Variants in GOLGA3 observed in about 807,000 individuals in gnomAD.
GOLGA3 encodes golgin A3.
A neutral mutation model predicts 169.4 loss-of-function variants in GOLGA3; 75 were observed. The observed-to-expected ratio is 0.44, with a 90% CI of 0.37 to 0.54. The LOEUF (loss-of-function observed/expected upper bound fraction) is 0.54. Among genes scored for constraint, GOLGA3 ranks in the 20% least tolerant of loss-of-function variants. The probability of loss-of-function intolerance (pLI) is 0.00; values close to 1 mark genes in which losing one functional copy is unlikely to be tolerated. For synonymous variants in GOLGA3, 824 were observed against 822.4 expected (o/e 1.00, Z -0.03); for missense variants, 1,899 against 1,930.0 (o/e 0.98, Z 0.30).
chr12:132,775,704 A>G (rs1050841793), intron 21 of GOLGA3, among the ~76,000 whole-genome samples: 6 of 152,156 alleles, frequency 3.9e-5, no homozygotes, highest in African/African-American at 7.2e-5. Flanking sequence ...GTGAGCCACC[A>G]GGCCTGGCCA....
Position 132,801,791 on chromosome 12 carries a change from C to A in GOLGA3, c.1776G>T (p.Leu592=). ...CCTGGATGTGGGCCATCTCACCCTG[C>A]AGCCTGACGCGGGCCTCCTGTGCCA... The part of the protein sequence containing the change: ...LALAQEARVR[L]QGEMAHIQVG... The change falls in exon 8 of 24, where the codon CTG becomes CTT. Residue 592 remains leucine (L), a synonymous_variant. Transcript: ENST00000450791. 2 of 1,611,960 alleles carry A rather than the reference C, an allele frequency of 1.2e-6. No individual in the cohort carries two copies. Among genetic ancestry groups the A allele is most frequent in the Non-Finnish European group, 1.7e-6 (2 of 1,180,010 alleles).
In GOLGA3 at chr12:132,770,226, C is replaced by CT. The variant is rs1177848660; in HGVS notation, c.*2878dup. On this transcript the variant is annotated 3_prime_UTR_variant, in exon 24 of 24. Transcript: ENST00000450791. ...CCAGCCTGGGCGACAGAGCGAGACT[C>CT]TGTCTCAAAAAAAAAAAAAAAAAAT... 1 of 89,202 alleles carries CT rather than the reference C, an allele frequency of 1.1e-5. No homozygotes were observed. Among genetic ancestry groups the CT allele is most frequent in the African/African-American group, 5.9e-5 (1 of 17,042 alleles). The allele number at this position is 89,202 out of a possible 1,614,324, so 5.5% of individuals were successfully genotyped here. A position where few individuals can be genotyped will look rare whatever the true frequency, so the allele number is the denominator to read the frequency against.
intron 17 of GOLGA3, among the ~76,000 whole-genome samples, chr12:132,782,003 G>A (rs1173580454): frequency 6.6e-6 from 1 of 152,132 alleles, no homozygotes; most frequent in Non-Finnish European, 1.5e-5. Context: ...GCACACGCAG[G>A]GGCTCCAGCC....
At chr12:132,826,709 A>T (rs1353688726) in intron 1 of GOLGA3, among the ~76,000 whole-genome samples, 1 of 152,062 alleles carries the variant, frequency 6.6e-6, no homozygotes, top group Non-Finnish European at 1.5e-5. Context: ...GGTGACAGTG[A>T]TACTTCTCCC....
At position 132,777,299 on chromosome 12, in the gene GOLGA3, C is replaced by T. The variant is rs776323754; in HGVS notation, c.3723-209G>A. On this transcript the variant is annotated intron_variant, in intron 19 of 23. Coordinates refer to ENST00000450791, the MANE Select transcript of GOLGA3 (RefSeq NM_001389683.1). This position sits in a 1 kb window ranked among gnomAD's most constrained non-coding sequence, Gnocchi z 4.7. ...ACTCACACTTCACTGGCACCCCTCA[C>T]AGATCCCAGAGACTCACTTTGCCGG... is the stretch of plus-strand genomic sequence containing the variant. Among the ~76,000 whole-genome samples the T allele has an allele frequency of 6.6e-6, 1 of 152,142 alleles. No homozygotes were observed. Among genetic ancestry groups the T allele is most frequent in the Non-Finnish European group, 1.5e-5 (1 of 68,014 alleles).
chr12:132,794,341 A>AG (rs1029761216), intron 11 of GOLGA3, among the ~76,000 whole-genome samples: 1 of 151,778 alleles, frequency 6.6e-6, no homozygotes, highest in African/African-American at 2.4e-5. Flanking sequence ...TTTAAAAAAA[A>AG]AAAAAAAAAA....
At chr12:132,798,884 G>A (rs138319485) in intron 8 of GOLGA3, among the ~76,000 whole-genome samples, 5 of 152,340 alleles carry the variant, frequency 3.3e-5, no homozygotes, top group African/African-American at 1.2e-4. Context: ...TCAGCCAGAC[G>A]CCCGACAGGT....
rs1383840406 is a variant in GOLGA3 at position 132,771,566 on chromosome 12, A to T, written c.*1539T>A. On this transcript the variant is annotated 3_prime_UTR_variant, in exon 24 of 24. Coordinates refer to ENST00000450791, the MANE Select transcript of GOLGA3 (RefSeq NM_001389683.1). The stretch of plus-strand genomic sequence containing the variant: ...TAAATAAGGCATCTGTCTCTGAGAC[A>T]CCTGGGAGAGCACAGCCACCTTCCT... 1 of 152,154 alleles carries T rather than the reference A, an allele frequency of 6.6e-6. No individual in the cohort carries two copies. Among genetic ancestry groups the T allele is most frequent in the Non-Finnish European group, 1.5e-5 (1 of 68,034 alleles). 9.4% of individuals were successfully genotyped at this position (152,154 alleles called of 1,614,324 possible). A position where few individuals can be genotyped will look rare whatever the true frequency, so the allele number is the denominator to read the frequency against.
At chr12:132,795,241 G>C (rs1000312072) in intron 11 of GOLGA3, among the ~76,000 whole-genome samples, 3 of 151,236 alleles carry the variant, frequency 2.0e-5, no homozygotes, top group Admixed American at 6.6e-5. Context: ...CCTGTAATCC[G>C]AGCACTGTGG....
intron 2 of GOLGA3, among the ~76,000 whole-genome samples, chr12:132,818,277 T>G (rs538222760): frequency 3.0e-4 from 45 of 152,374 alleles, no homozygotes; most frequent in African/African-American, 1.1e-3. Flanking sequence ...TTCTCTTTTT[T>G]GAGACGGAGT....
In GOLGA3 at chr12:132,781,832, CTTG is replaced by C. The variant is rs202156903; in HGVS notation, c.3465+461_3465+463del. Among the ~76,000 whole-genome samples the C allele has an allele frequency of 4.8e-3, 731 of 152,280 alleles. 3 individuals carry two copies. Among genetic ancestry groups the C allele is most frequent in the African/African-American group, 0.017 (689 of 41,548 alleles). ...TCCCAGTTCTGAATTGTGTGAACCT[CTTG>C]TTAAGTGCCCCCTACAAACAATGTC... is the stretch of plus-strand genomic sequence containing the variant. On this transcript the variant is annotated intron_variant, in intron 17 of 23. Coordinates refer to ENST00000450791, the MANE Select transcript of GOLGA3 (RefSeq NM_001389683.1).
At chr12:132,776,894 G>A (rs1300525951) in intron 20 of GOLGA3, 64 bp downstream of exon 20, 9 of 1,545,818 alleles carry the variant, frequency 5.8e-6, no homozygotes, top group Non-Finnish European at 7.9e-6. Flanking sequence ...AAGCAGGATG[G>A]AGTGAAGTCA....
In GOLGA3 at chr12:132,774,204, C is replaced by CA; in HGVS notation, c.4259dup (p.Ser1421GlufsTer113). 1 of 1,610,056 alleles carries CA rather than the reference C, an allele frequency of 6.2e-7. No homozygotes were observed. Among genetic ancestry groups the CA allele is most frequent in the Non-Finnish European group, 8.5e-7 (1 of 1,178,100 alleles). On this transcript the variant is annotated frameshift_variant, in exon 23 of 24. Coordinates refer to ENST00000450791, the MANE Select transcript of GOLGA3 (RefSeq NM_001389683.1). LOFTEE classifies it low-confidence loss of function (END_TRUNC). ...TCAGGTTCTTGAGGGGCTCCTTGCT[C>CA]ACGGCGGGCGGTGGTCTCAGCAGCT...
intron 1 of GOLGA3, among the ~76,000 whole-genome samples, chr12:132,827,426 A>G (rs1950467382): frequency 6.6e-6 from 1 of 152,238 alleles, no homozygotes; most frequent in South Asian, 2.1e-4. Context: ...TCTTAATCAC[A>G]TTTAGCCTGT....
At chr12:132,801,695 C>G in intron 8 of GOLGA3, 72 bp downstream of exon 8, 2 of 1,417,594 alleles carry the variant, frequency 1.4e-6, no homozygotes, top group Non-Finnish European at 2.0e-6. Flanking sequence ...ACAGAAAAAT[C>G]TCAGGAAAAA....
intron 1 of GOLGA3, among the ~76,000 whole-genome samples, chr12:132,824,099 C>CA (rs1012756067): frequency 5.9e-5 from 9 of 151,846 alleles, no homozygotes; most frequent in African/African-American, 1.7e-4. Context: ...CAAAAAACAA[C>CA]AAAAAAAAGA....
intron 1 of GOLGA3, among the ~76,000 whole-genome samples, chr12:132,822,911 G>C (rs1423473981): frequency 6.6e-6 from 1 of 152,194 alleles, no homozygotes; most frequent in Non-Finnish European, 1.5e-5. Context: ...GACAGAGGGA[G>C]ACCCCATCTC....
At position 132,804,936 on chromosome 12, in the gene GOLGA3, G is replaced by A; in HGVS notation, c.1377C>T (p.Ser459=). 6.2e-7 allele frequency: 1 copy of A among 1,613,508 alleles called. No homozygotes were observed. The highest frequency in any genetic ancestry group is 8.5e-7 in the Non-Finnish European group (1 of 1,179,976). Residue 459 remains serine (S), a synonymous_variant, in exon 7 of 24, where the codon AGC becomes AGT. Coordinates refer to ENST00000450791, the MANE Select transcript of GOLGA3 (RefSeq NM_001389683.1). The surrounding 1 kb of genome is among the most constrained non-coding windows in gnomAD (Gnocchi z 4.1). ...LQAQVECSHS[S]QQRQDSLSSE... is the part of the protein sequence containing the mutation. ...AGCTCAGCGAATCCTGCCGCTGCTG[G>A]CTGCTGTGGCTGCACTCCACCTGCG...
At chr12:132,790,975 C>T (rs1213238534) in intron 12 of GOLGA3, among the ~76,000 whole-genome samples, 3 of 134,912 alleles carry the variant, frequency 2.2e-5, no homozygotes, top group South Asian at 2.4e-4. Context: ...AGCTTGAACC[C>T]GGGAGGCAGA....
Sources: allele counts gnomAD v4.1 joint callset (sites outside exome capture counted in the v4.1 genomes callset), GRCh38; gene constraint gnomAD v4.1.1; non-coding constraint Gnocchi (gnomAD v3.1); transcripts MANE v1.5; gene names NCBI Gene and HGNC (gene_info 2026-07-23, HGNC 2026-07-21).